Variants in ECT2L observed in about 807,000 individuals in gnomAD.
The protein encoded by ECT2L is epithelial cell-transforming sequence 2 oncogene-like.
Under a neutral mutation model 122.8 loss-of-function variants are expected in ECT2L, and 126 were observed. That is an observed-to-expected ratio of 1.03 (90% confidence interval 0.89 to 1.19). ECT2L has a LOEUF of 1.19. ECT2L is among the 50% of genes most tolerant of loss of function. ECT2L has a pLI of 0.00. For missense variants in ECT2L, 1,012 were observed against 1,064.1 expected (o/e 0.95, Z 0.68); for synonymous variants, 385 against 381.8 (o/e 1.01, Z -0.10).
At chr6:138,839,459 G>A (rs1220309149) in intron 5 of ECT2L, among the ~76,000 whole-genome samples, 1 of 151,692 alleles carries the variant, frequency 6.6e-6, no homozygotes, top group African/African-American at 2.4e-5. Flanking sequence ...TGTCTCCCAG[G>A]CTCAAGAGAT....
chr6:138,877,112 T>C (rs1778477733), intron 14 of ECT2L, among the ~76,000 whole-genome samples: 1 of 152,210 alleles, frequency 6.6e-6, no homozygotes, highest in Non-Finnish European at 1.5e-5. Context: ...GACACATCCC[T>C]AGCCACATTT....
chr6:138,887,120 C>T (rs1218724461), intron 19 of ECT2L, among the ~76,000 whole-genome samples, 198 bp downstream of exon 19: 5 of 152,192 alleles, frequency 3.3e-5, no homozygotes, highest in African/African-American at 1.2e-4. Flanking sequence ...AGTGAGCTTG[C>T]CCCTATCCCA....
At chr6:138,884,308 C>T (rs57946213) in intron 16 of ECT2L, among the ~76,000 whole-genome samples, 11,043 of 152,060 alleles carry the variant, frequency 0.073, 772 homozygotes, top group East Asian at 0.2. Context: ...GGTAACTTTA[C>T]GGGTGCTCTA....
At chr6:138,819,182 T>TG (rs1776177588) in intron 4 of ECT2L, among the ~76,000 whole-genome samples, 1 of 150,888 alleles carries the variant, frequency 6.6e-6, no homozygotes, top group African/African-American at 2.4e-5. Context: ...GATAACTGTA[T>TG]GAAATATTAG....
chr6:138,846,521 T>A lies in ECT2L; in HGVS notation c.765-18T>A, dbSNP rs750253268. 1 of 1,558,634 alleles carries A rather than the reference T, an allele frequency of 6.4e-7. No homozygotes were observed. The highest frequency in any genetic ancestry group is 2.3e-5 in the East Asian group (1 of 44,266). On this transcript the variant is annotated intron_variant, in intron 7 of 21. Coordinates refer to ENST00000541398, the MANE Select transcript of ECT2L (RefSeq NM_001077706.3). ...TAAGAGAAAATGAAAACTTCTCATA[T>A]TTCCTTTTACTCCATAGAAGCAATA... is the stretch of plus-strand genomic sequence containing the variant.
intron 16 of ECT2L, among the ~76,000 whole-genome samples, 162 bp downstream of exon 16, chr6:138,883,033 G>T (rs557240832): frequency 3.9e-5 from 6 of 152,120 alleles, no homozygotes; most frequent in Non-Finnish European, 8.8e-5. Context: ...CCTGACTTAG[G>T]GGCTAGCACA....
intron 16 of ECT2L, among the ~76,000 whole-genome samples, chr6:138,883,977 C>T (rs1778725692): frequency 6.6e-6 from 1 of 152,180 alleles, no homozygotes; most frequent in Non-Finnish European, 1.5e-5. Context: ...GATCCTCCCA[C>T]CTCAGCCTAC....
intron 14 of ECT2L, among the ~76,000 whole-genome samples, chr6:138,878,088 C>T (rs547308633): frequency 3.3e-5 from 5 of 152,118 alleles, no homozygotes; most frequent in Non-Finnish European, 7.4e-5. Flanking sequence ...TTAAACAAGG[C>T]ACTTATTTAA....
intron 19 of ECT2L, among the ~76,000 whole-genome samples, chr6:138,887,940 G>A (rs546260393): frequency 1.6e-3 from 251 of 152,244 alleles, no homozygotes; most frequent in African/African-American, 5.6e-3. Flanking sequence ...ACATTTTACT[G>A]CAATCCTTTA....
At chr6:138,876,604 T>G (rs62440947) in intron 14 of ECT2L, 46 bp downstream of exon 14, 111,099 of 1,293,248 alleles carry the variant, frequency 0.086, 5,330 homozygotes, top group Non-Finnish European at 0.095. Context: ...TTGCTCCTGA[T>G]AGTGAAATTT....
chr6:138,816,305 G>A (rs899803030), intron 4 of ECT2L, among the ~76,000 whole-genome samples: 1 of 152,126 alleles, frequency 6.6e-6, no homozygotes, highest in South Asian at 2.1e-4. Flanking sequence ...TTTGTCACTG[G>A]AAATTGCATC....
At chr6:138,859,821 T>TC (rs397715978) in intron 10 of ECT2L, among the ~76,000 whole-genome samples, 2 of 149,486 alleles carry the variant, frequency 1.3e-5, no homozygotes, top group Non-Finnish European at 3.0e-5. Context: ...TTTTTTTTTT[T>TC]CTTCTTTTTT....
rs1024623924 is a variant in ECT2L at position 138,903,466 on chromosome 6, G to C, written c.*839G>C. On this transcript the variant is annotated 3_prime_UTR_variant, in exon 22 of 22. Transcript: ENST00000541398. ...ATGTACTCCTCTAGAGAGCATTAAA[G>C]ATATACCACTACAAAGTACTAAAAA... 1 of 151,948 alleles carries C rather than the reference G, an allele frequency of 6.6e-6. No individual in the cohort carries two copies. Among genetic ancestry groups the C allele is most frequent in the Non-Finnish European group, 1.5e-5 (1 of 67,974 alleles). The allele number at this position is 151,948 out of a possible 1,614,324, so 9.4% of individuals were successfully genotyped here.
At chr6:138,836,054 G>A (rs141433532) in intron 4 of ECT2L, among the ~76,000 whole-genome samples, 282 of 152,100 alleles carry the variant, frequency 1.9e-3, no homozygotes, top group Admixed American at 0.015. Context: ...GGAATAGCGC[G>A]GAAATGATGC....
intron 20 of ECT2L, 37 bp downstream of exon 20, chr6:138,889,068 C>A: frequency 1.7e-6 from 2 of 1,200,452 alleles, no homozygotes; most frequent in Non-Finnish European, 1.2e-6. Context: ...CTGTGGACAC[C>A]TTCCAAGCAG....
rs998251539 is a variant in ECT2L at position 138,887,646 on chromosome 6, C to T, written c.2325+724C>T. ...GACGTGTTAACCTATAGAATTTCAT[C>T]TGGCCCCACCCTCCCTTATCTCTTA... On this transcript the variant is annotated intron_variant, in intron 19 of 21. Transcript: ENST00000541398. Among the ~76,000 whole-genome samples the T allele has an allele frequency of 6.6e-5, 10 of 152,360 alleles. No individual in the cohort carries two copies. In the East Asian group the frequency reaches 1.9e-3, roughly 29 times the overall value.
chr6:138,840,560 C>G (rs147576899), intron 5 of ECT2L, among the ~76,000 whole-genome samples: 1 of 151,154 alleles, frequency 6.6e-6, no homozygotes, highest in Non-Finnish European at 1.5e-5. Context: ...TATTTCAATA[C>G]GAAATTTAAA....
At position 138,806,511 on chromosome 6, in the gene ECT2L, C is replaced by CT. The variant is rs57786220; in HGVS notation, c.-243-6308dup. Among the ~76,000 whole-genome samples, 808 of 89,614 alleles carry CT rather than the reference C, an allele frequency of 9.0e-3. 54 individuals are homozygous for CT. Among genetic ancestry groups the CT allele is most frequent in the African/African-American group, 0.028 (597 of 21,356 alleles). The allele number at this position is 89,614 out of a possible 152,430, so 58.8% of individuals were successfully genotyped here. A position where few individuals can be genotyped will look rare whatever the true frequency, so the allele number is the denominator to read the frequency against. On this transcript the variant is annotated intron_variant, in intron 1 of 21. Coordinates refer to ENST00000541398, the MANE Select transcript of ECT2L (RefSeq NM_001077706.3). ...TCCCCTGTGCAGCTGAAAATTCACG[C>CT]TTTTTTTTTTTTTTTTTTTGAGATG...
intron 11 of ECT2L, 52 bp from the exon 12 acceptor site, chr6:138,864,944 T>C (rs9389630): frequency 0.18 from 267,160 of 1,525,786 alleles, 26,898 homozygotes; most frequent in South Asian, 0.39. Flanking sequence ...AGATGTAGAA[T>C]TGTTTCATCT....
Sources: gnomAD v4.1 joint callset for allele counts (sites outside exome capture counted in the v4.1 genomes callset) on GRCh38, gnomAD v4.1.1 for gene constraint, MANE v1.5 for transcripts, NCBI Gene and HGNC (gene_info 2026-07-23, HGNC 2026-07-21) for gene names.